AATK: variants seen among roughly 807,000 people sequenced by gnomAD.
AATK encodes the protein lemur tail kinase 1, also known as serine/threonine-protein kinase LMTK1.
Under a neutral mutation model 114.3 loss-of-function variants are expected in AATK, and 91 were observed. That is an observed-to-expected ratio of 0.80 (90% CI 0.67 to 0.95). The LOEUF (loss-of-function observed/expected upper bound fraction) is 0.95. AATK is among the 40% of genes least tolerant of loss of function. The pLI, the probability that AATK is intolerant of heterozygous loss-of-function variation, is 0.00. For missense variants in AATK, 2,176 were observed against 1,965.2 expected (o/e 1.11, Z -2.03); for synonymous variants, 1,075 against 916.5 (o/e 1.17, Z -3.12).
At position 81,154,711 on chromosome 17, in the gene AATK, C is replaced by A. The variant is rs1188205121; in HGVS notation, c.55+11227G>T. ...ATGGCACAATCTCGGCTCACTGCAA[C>A]CTCCACCTCCCAGGTTCAAGCAATT... On this transcript the variant is annotated intron_variant, in intron 1 of 13. Transcript: ENST00000326724. 2.1e-5 allele frequency among the ~76,000 whole-genome samples: 3 copies of A among 143,190 alleles called. No individual in the cohort carries two copies. The East Asian group carries it at 6.1e-4, about 29-fold the overall frequency. 93.9% of individuals were successfully genotyped at this position (143,190 alleles called of 152,430 possible).
Position 81,128,355 on chromosome 17 carries a change from G to C in AATK, c.414+115C>G, listed in dbSNP as rs1008092425. On this transcript the variant is annotated intron_variant, in intron 4 of 13. Coordinates refer to ENST00000326724, the MANE Select transcript of AATK (RefSeq NM_001080395.3). ...CTGGGGAAGGGTCCAGCAGGGCCCA[G>C]AGACTGAAGAAGGGACCGTCGGGGC... 2.1e-5 allele frequency: 27 copies of C among 1,305,678 alleles called. No individual in the cohort carries two copies. In the South Asian group the frequency reaches 3.3e-4, roughly 16 times the overall value. 80.9% of individuals were successfully genotyped at this position (1,305,678 alleles called of 1,614,324 possible).
rs774746547 is a variant in AATK, at chr17:81,117,699, T to TAC, written c.*701_*702dup. ...TAGAACGGGGCCCACGGGGCAGGAG[T>TAC]ACAGCCTGGAAGCCCCTCCACCCCT... On this transcript the variant is annotated 3_prime_UTR_variant, in exon 14 of 14. Coordinates refer to ENST00000326724, the MANE Select transcript of AATK (RefSeq NM_001080395.3). The TAC allele has an allele frequency of 6.6e-6, 1 of 152,166 alleles. No homozygotes were observed. The highest frequency in any genetic ancestry group is 1.5e-5 in the Non-Finnish European group (1 of 68,070). 9.4% of individuals were successfully genotyped at this position (152,166 alleles called of 1,614,324 possible).
At position 81,137,257 on chromosome 17, in the gene AATK, TA is replaced by T. The variant is rs57760563; in HGVS notation, c.56-2757del. ...TGGGTGACAGAGTAAGACTCCGCCT[TA>T]AAAAAAAAAAAAAAAGGAATTACTA... On this transcript the variant is annotated intron_variant, in intron 1 of 13. Coordinates refer to ENST00000326724, the MANE Select transcript of AATK (RefSeq NM_001080395.3). 8.2e-3 allele frequency among the ~76,000 whole-genome samples: 1,083 copies of T among 132,848 alleles called. 6 individuals are homozygous for T. Among genetic ancestry groups the T allele is most frequent in the African/African-American group, 0.015 (540 of 35,802 alleles). 87.2% of individuals were successfully genotyped at this position (132,848 alleles called of 152,430 possible). A position where few individuals can be genotyped will look rare whatever the true frequency, so the allele number is the denominator to read the frequency against.
chr17:81,119,285 G>C, intron 13 of AATK, 95 bp downstream of exon 13: 1 of 1,312,558 alleles, frequency 7.6e-7, no homozygotes, highest in South Asian at 1.6e-5. Flanking sequence ...GCCGGGGCTG[G>C]CCCGGCCCAG....
At chr17:81,142,159 A>G (rs758313430) in intron 1 of AATK, among the ~76,000 whole-genome samples, 1 of 151,984 alleles carries the variant, frequency 6.6e-6, no homozygotes, top group African/African-American at 2.4e-5. Context: ...GGGTTTCACT[A>G]TGTTAGCCAG....
Position 81,126,642 on chromosome 17 carries a change from C to T in AATK, c.622-82G>A. On this transcript the variant is annotated intron_variant, in intron 6 of 13. Coordinates refer to ENST00000326724, the MANE Select transcript of AATK (RefSeq NM_001080395.3). The surrounding 1 kb of genome is among the most constrained non-coding windows in gnomAD (Gnocchi z 5.1). Reference sequence around the variant, plus strand: ...AGGTCCCCACCTACCTCCCCAACTCCTCCACCCCTACCCACAGCTGAGGGA... The same window carrying T: ...AGGTCCCCACCTACCTCCCCAACTCTTCCACCCCTACCCACAGCTGAGGGA... The T allele has an allele frequency of 6.7e-7, 1 of 1,486,282 alleles. No individual in the cohort carries two copies. Among genetic ancestry groups the T allele is most frequent in the South Asian group, 1.3e-5 (1 of 75,926 alleles). The allele number at this position is 1,486,282 out of a possible 1,614,324, so 92.1% of individuals were successfully genotyped here.
At chr17:81,164,136 C>T (rs552161344) in intron 1 of AATK, among the ~76,000 whole-genome samples, 72 of 152,348 alleles carry the variant, frequency 4.7e-4, no homozygotes, top group African/African-American at 1.6e-3. Context: ...TGAGCCCACC[C>T]GGGCCTGCCA....
intron 1 of AATK, among the ~76,000 whole-genome samples, chr17:81,138,894 C>T (rs371676075): frequency 1.3e-5 from 2 of 152,016 alleles, no homozygotes; most frequent in African/African-American, 4.8e-5. Context: ...CACGCACACA[C>T]ATATAACCAC....
chr17:81,156,991 G>A (rs2146409328), intron 1 of AATK, among the ~76,000 whole-genome samples: 1 of 152,286 alleles, frequency 6.6e-6, no homozygotes, highest in South Asian at 2.1e-4. Context: ...AGGAGCCTCT[G>A]GGACAGCAAC....
At position 81,121,156 on chromosome 17, in the gene AATK, G is replaced by GGGC; in HGVS notation, c.2777_2779dup (p.Gly926_Pro927insArg). On this transcript the variant is annotated inframe_insertion, in exon 11 of 14. Coordinates refer to ENST00000326724, the MANE Select transcript of AATK (RefSeq NM_001080395.3). The stretch of plus-strand genomic sequence containing the variant: ...CAGCGCTCGCGGCTGCCCTCCAGAG[G>GGGC]GGCCAGTGGCCGACGGGCTGAAGAC... 1 of 1,603,630 alleles carries GGGC rather than the reference G, an allele frequency of 6.2e-7. No homozygotes were observed. Among genetic ancestry groups the GGGC allele is most frequent in the Non-Finnish European group, 8.5e-7 (1 of 1,175,862 alleles).
chr17:81,138,441 CCA>C (rs1215111428), intron 1 of AATK, among the ~76,000 whole-genome samples: 10 of 104,180 alleles, frequency 9.6e-5, no homozygotes, highest in South Asian at 4.0e-4. Context: ...GCAAACACAC[CCA>C]CAGATGCATG....
chr17:81,120,448 T>C lies in AATK; in HGVS notation c.3488A>G (p.Glu1163Gly). 1 of 1,551,886 alleles carries C rather than the reference T, an allele frequency of 6.4e-7. No homozygotes were observed. Among genetic ancestry groups the C allele is most frequent in the Non-Finnish European group, 8.7e-7 (1 of 1,144,598 alleles). Residue 1163 changes from glutamate (E) to glycine (G), a missense_variant, in exon 11 of 14, where the codon GAG becomes GGG. Glu to Gly is a moderately conservative substitution (Grantham distance 98). This residue lies in a region of AATK where 1,701 missense variants were observed against 1,394.7 expected (regional missense o/e 1.22). Transcript: ENST00000326724. Reference sequence around the variant, plus strand: ...AGACTCGTCGCTGTCCTCACTGTCCTCCTCCTCCTCCTCCGGCCGGCCCTC... The same window carrying C: ...AGACTCGTCGCTGTCCTCACTGTCCCCCTCCTCCTCCTCCGGCCGGCCCTC... ...ALEGRPEEEE[E>G]DSEDSDESDE...
chr17:81,161,134 G>A (rs1035042423), intron 1 of AATK, among the ~76,000 whole-genome samples: 2 of 152,200 alleles, frequency 1.3e-5, no homozygotes, highest in African/African-American at 4.8e-5. Flanking sequence ...ACCCCCAGAT[G>A]TGTGTCCTGG....
At position 81,156,463 on chromosome 17, in the gene AATK, T is replaced by C. The variant is rs1459500453; in HGVS notation, c.55+9475A>G. Among the ~76,000 whole-genome samples the C allele has an allele frequency of 2.0e-5, 3 of 152,222 alleles. No individual in the cohort carries two copies. In the East Asian group the frequency reaches 5.8e-4, roughly 29 times the overall value. On this transcript the variant is annotated intron_variant, in intron 1 of 13. Coordinates refer to ENST00000326724, the MANE Select transcript of AATK (RefSeq NM_001080395.3). Reference sequence around the variant, plus strand: ...GCCCAGGCTGGAGTGCAGTGGTGCTTCTCGGCTCACTGCAAGCTCCGCCTC... The same window carrying C: ...GCCCAGGCTGGAGTGCAGTGGTGCTCCTCGGCTCACTGCAAGCTCCGCCTC...
At chr17:81,123,470 T>A in intron 9 of AATK, 127 bp from the exon 10 acceptor site, 1 of 846,262 alleles carries the variant, frequency 1.2e-6, no homozygotes, top group Admixed American at 4.3e-5. Flanking sequence ...CGGGGCCTGG[T>A]ACCATACCAG....
chr17:81,159,989 G>A (rs992434295), intron 1 of AATK, among the ~76,000 whole-genome samples: 16 of 152,158 alleles, frequency 1.1e-4, no homozygotes, highest in African/African-American at 3.9e-4. Context: ...GGGATAGGCT[G>A]GCCACGCCCC....
At chr17:81,153,039 A>G (rs1320119768) in intron 1 of AATK, among the ~76,000 whole-genome samples, 1 of 152,106 alleles carries the variant, frequency 6.6e-6, no homozygotes, top group Non-Finnish European at 1.5e-5. Context: ...ACAGGGTTTC[A>G]CCATGTTGGC....
rs776735352 is a variant in AATK at position 81,123,340 on chromosome 17, G to A, written c.966C>T (p.Ser322=). ...AGAGCTCCCAGATGGTCACGCCCAGGGACCTGTGGGGCGACAGCCGTGAGC... is the reference window on the plus strand; with the variant it reads ...AGAGCTCCCAGATGGTCACGCCCAGAGACCTGTGGGGCGACAGCCGTGAGC... ...VDQTKSGNVW[S]LGVTIWELFE... is the part of the protein sequence containing the mutation. Residue 322 remains serine, a synonymous_variant, in exon 10 of 14, where the codon TCC becomes TCT. Coordinates refer to ENST00000326724, the MANE Select transcript of AATK (RefSeq NM_001080395.3). 83 of 1,367,870 alleles carry A rather than the reference G, an allele frequency of 6.1e-5. 1 individual carries two copies. The highest frequency in any genetic ancestry group is 2.6e-5 in the Non-Finnish European group (28 of 1,059,770). 84.7% of individuals were successfully genotyped at this position (1,367,870 alleles called of 1,614,324 possible).
chr17:81,118,519 T>G, intron 13 of AATK, 77 bp from the exon 14 acceptor site: 2 of 1,493,202 alleles, frequency 1.3e-6, no homozygotes, highest in Non-Finnish European at 1.8e-6. Flanking sequence ...CCACCTGGCC[T>G]CCATCCCTGG....
Sources: allele counts gnomAD v4.1 joint callset (sites outside exome capture counted in the v4.1 genomes callset), GRCh38; gene constraint gnomAD v4.1.1; regional missense constraint gnomAD v4.1.1; non-coding constraint Gnocchi (gnomAD v3.1); transcripts MANE v1.5; gene names NCBI Gene and HGNC (gene_info 2026-07-23, HGNC 2026-07-21).